Variants in ADD2 observed in about 807,000 individuals in gnomAD.
ADD2 encodes the protein beta-adducin.
Under a neutral mutation model 83.0 loss-of-function variants are expected in ADD2, and 23 were observed. The observed-to-expected ratio is 0.28, with a 90% confidence interval of 0.20 to 0.39. The LOEUF (loss-of-function observed/expected upper bound fraction) is 0.39. Ranked by LOEUF, ADD2 falls within the 10% of genes least tolerant of loss-of-function variation. ADD2 has a pLI of 1.00. For synonymous variants in ADD2, 375 were observed against 375.4 expected (o/e 1.00, Z 0.01); for missense variants, 758 against 944.9 (o/e 0.80, Z 2.59).
chr2:70,668,965 T>C (rs1553366628), intron 15 of ADD2, among the ~76,000 whole-genome samples: 1 of 152,218 alleles, frequency 6.6e-6, no homozygotes. Flanking sequence ...CACTGCCATG[T>C]ACAGCTTTTA....
Position 70,676,862 on chromosome 2 carries a change from A to G in ADD2, c.1527T>C (p.Asp509=), listed in dbSNP as rs782735669. Residue 509 remains aspartate, a synonymous_variant, in exon 13 of 16, where the codon GAT becomes GAC. Transcript: ENST00000264436. This position sits in a 1 kb window ranked among gnomAD's most constrained non-coding sequence, Gnocchi z 4.8. ...RNKIREQNRQ[D]VKSAGPQSQL... is the part of the protein sequence containing the mutation. ...GGGACTGAGGCCCCGCTGACTTCAC[A>G]TCTTGTCGGTTTTGTTCTCGAATCT... The G allele has an allele frequency of 9.3e-6, 15 of 1,613,882 alleles. No homozygotes were observed. The highest frequency in any genetic ancestry group is 1.2e-5 in the Non-Finnish European group (14 of 1,179,854).
chr2:70,711,596 C>A (rs1553375471), intron 2 of ADD2, among the ~76,000 whole-genome samples: 1 of 152,112 alleles, frequency 6.6e-6, no homozygotes, highest in Non-Finnish European at 1.5e-5. Flanking sequence ...AAAAAAAACT[C>A]TGGACAGCAA....
At chr2:70,735,059 G>A (rs1285476215) in intron 1 of ADD2, among the ~76,000 whole-genome samples, 2 of 152,068 alleles carry the variant, frequency 1.3e-5, no homozygotes, top group East Asian at 1.9e-4. Flanking sequence ...CTGTTATCTC[G>A]AAAATTTCAA....
chr2:70,689,053 G>A (rs1297805882), intron 8 of ADD2, among the ~76,000 whole-genome samples: 4 of 152,114 alleles, frequency 2.6e-5, no homozygotes, highest in African/African-American at 9.6e-5. Context: ...AGCTGAGATC[G>A]CACCATTGTA....
chr2:70,664,616 G>A (rs1553365728), intron 15 of ADD2, among the ~76,000 whole-genome samples: 2 of 152,224 alleles, frequency 1.3e-5, no homozygotes, highest in African/African-American at 4.8e-5. Flanking sequence ...GAAGAACACA[G>A]TACCATGGTG....
intron 15 of ADD2, among the ~76,000 whole-genome samples, chr2:70,668,690 C>G (rs544649213): frequency 1.5e-3 from 230 of 152,268 alleles, no homozygotes; most frequent in Non-Finnish European, 2.8e-3. Context: ...CTTCTGTGGC[C>G]GTGCACTGGG....
intron 1 of ADD2, among the ~76,000 whole-genome samples, chr2:70,729,912 G>A (rs1240853480): frequency 1.3e-5 from 2 of 152,098 alleles, no homozygotes; most frequent in Non-Finnish European, 2.9e-5. Flanking sequence ...AACATAATAC[G>A]AAATGACCAT....
chr2:70,681,639 T>C (rs1206742746), intron 10 of ADD2, among the ~76,000 whole-genome samples: 1 of 152,136 alleles, frequency 6.6e-6, no homozygotes, highest in East Asian at 1.9e-4. Flanking sequence ...GTCAGGTAGT[T>C]ACAAAAGTAT....
At chr2:70,712,476 G>T (rs376488416) in intron 2 of ADD2, among the ~76,000 whole-genome samples, 14 of 140,334 alleles carry the variant, frequency 1.0e-4, no homozygotes, top group Admixed American at 3.5e-4. Flanking sequence ...AAAAAAAAAA[G>T]AAACTGAATC....
At chr2:70,667,655 CTT>C (rs1397423653) in intron 15 of ADD2, among the ~76,000 whole-genome samples, 3 of 152,280 alleles carry the variant, frequency 2.0e-5, no homozygotes, top group African/African-American at 7.2e-5. Context: ...GAATTTCGCT[CTT>C]GTCACCCAGG....
chr2:70,754,900 A>G (rs1020560531), intron 1 of ADD2, among the ~76,000 whole-genome samples: 16 of 151,982 alleles, frequency 1.1e-4, no homozygotes, highest in Admixed American at 1.3e-4. Context: ...TTAATTATCT[A>G]TCTCCAACTC....
chr2:70,690,021 A>G (rs72899678), intron 8 of ADD2, among the ~76,000 whole-genome samples: 4,344 of 152,124 alleles, frequency 0.029, 87 homozygotes, highest in Admixed American at 0.06. Flanking sequence ...AACTCATCTC[A>G]AGTTCACACA....
At chr2:70,704,267 C>CCCCCCCCCCA in intron 4 of ADD2, 54 bp downstream of exon 4, 1 of 1,066,672 alleles carries the variant, frequency 9.4e-7, no homozygotes, top group Non-Finnish European at 1.4e-6. Context: ...CTCTCTTCCC[C>CCCCCCCCCCA]ACCCCACCCT....
In ADD2 at chr2:70,664,760, G is replaced by A. The variant is rs538110378; in HGVS notation, c.1871-1025C>T. On this transcript the variant is annotated intron_variant, in intron 15 of 15. Coordinates refer to ENST00000264436, the MANE Select transcript of ADD2 (RefSeq NM_001617.4). The stretch of plus-strand genomic sequence containing the variant: ...GCAAGTGTGTGTGTGGGTGTGTGAG[G>A]GTGTGCAAGTGTGAGTGGGCAGGTT... Among the ~76,000 whole-genome samples, 197 of 137,962 alleles carry A rather than the reference G, an allele frequency of 1.4e-3. 1 individual carries two copies. The highest frequency in any genetic ancestry group is 2.4e-3 in the Non-Finnish European group (150 of 62,424). 90.5% of individuals were successfully genotyped at this position (137,962 alleles called of 152,430 possible).
intron 1 of ADD2, among the ~76,000 whole-genome samples, chr2:70,714,112 CT>C (rs1378865945): frequency 6.6e-6 from 1 of 152,134 alleles, no homozygotes; most frequent in Non-Finnish European, 1.5e-5. Context: ...TGAGTTACTA[CT>C]CCAAAACTCC....
chr2:70,763,443 A>G (rs977314383), intron 1 of ADD2, among the ~76,000 whole-genome samples: 3 of 152,050 alleles, frequency 2.0e-5, no homozygotes, highest in African/African-American at 2.4e-5. Flanking sequence ...GTCCCTGTAC[A>G]TAGTTCAAAA....
chr2:70,720,671 C>T (rs1553377177), intron 1 of ADD2, among the ~76,000 whole-genome samples: 2 of 152,172 alleles, frequency 1.3e-5, no homozygotes, highest in African/African-American at 4.8e-5. Context: ...AGAGCTATTT[C>T]ACCTTCTGTA....
chr2:70,726,056 A>G (rs371398291), intron 1 of ADD2, among the ~76,000 whole-genome samples: 73 of 151,804 alleles, frequency 4.8e-4, no homozygotes, highest in South Asian at 1.0e-3. Flanking sequence ...GCGTAGTGGC[A>G]GGCGCCTGTA....
intron 1 of ADD2, among the ~76,000 whole-genome samples, chr2:70,732,230 G>A (rs1673318767): frequency 6.6e-6 from 1 of 152,150 alleles, no homozygotes; most frequent in Non-Finnish European, 1.5e-5. Flanking sequence ...GGTCTTCACA[G>A]TTTGCAGAAC....
Sources: allele counts gnomAD v4.1 joint callset (sites outside exome capture counted in the v4.1 genomes callset), GRCh38; gene constraint gnomAD v4.1.1; non-coding constraint Gnocchi (gnomAD v3.1); transcripts MANE v1.5; gene names NCBI Gene and HGNC (gene_info 2026-07-23, HGNC 2026-07-21).